PDE4D: variants seen among roughly 807,000 people sequenced by gnomAD.
The protein encoded by PDE4D is 3',5'-cyclic-AMP phosphodiesterase 4D.
PDE4D carries 24 observed loss-of-function variants against 87.4 expected under a neutral mutation model. That is an observed-to-expected ratio of 0.27 (90% CI 0.20 to 0.39). PDE4D has a LOEUF of 0.39. Among genes scored for constraint, PDE4D ranks in the 10% least tolerant of loss-of-function variants. The pLI is 1.00. For missense variants in PDE4D, 714 were observed against 1,041.0 expected, an observed-to-expected ratio of 0.69 and a Z score of 4.32; for synonymous variants, 384 against 383.2, an observed-to-expected ratio of 1.00 and a Z score of -0.02.
intron 1 of PDE4D, among the ~76,000 whole-genome samples, chr5:60,299,390 G>C (rs904335616): frequency 2.0e-5 from 3 of 152,112 alleles, no homozygotes; most frequent in African/African-American, 7.2e-5. Flanking sequence ...TCCTTCTTTT[G>C]TTTTTTCCTT....
chr5:59,703,672 T>A (rs1291143355), intron 1 of PDE4D: 1 of 523,520 alleles, frequency 1.9e-6, no homozygotes, highest in East Asian at 5.6e-5. Flanking sequence ...GATTAGTAAC[T>A]GGTTGAACAA....
At chr5:60,005,539 T>C (rs908989513) in intron 2 of PDE4D, among the ~76,000 whole-genome samples, 2 of 151,986 alleles carry the variant, frequency 1.3e-5, no homozygotes, top group Non-Finnish European at 2.9e-5. Context: ...GATGGATGCA[T>C]TGATTAATTT....
At chr5:59,434,419 A>G (rs1207753708) in intron 1 of PDE4D, among the ~76,000 whole-genome samples, 1 of 151,498 alleles carries the variant, frequency 6.6e-6, no homozygotes, top group Admixed American at 6.6e-5. Flanking sequence ...TCCCTCCCCA[A>G]CCCTCGTGTT....
At chr5:60,331,388 G>T (rs935947013) in intron 1 of PDE4D, among the ~76,000 whole-genome samples, 1 of 152,210 alleles carries the variant, frequency 6.6e-6, no homozygotes, top group Non-Finnish European at 1.5e-5. Flanking sequence ...TACTTATTCA[G>T]AAGAAGCTGG....
intron 1 of PDE4D, among the ~76,000 whole-genome samples, chr5:59,402,817 T>G (rs1790905752): frequency 1.3e-5 from 2 of 152,050 alleles, no homozygotes; most frequent in African/African-American, 4.8e-5. Flanking sequence ...GACTTTCTAT[T>G]ATGAATGATG....
intron 1 of PDE4D, among the ~76,000 whole-genome samples, chr5:59,617,005 T>C (rs985894946): frequency 6.9e-6 from 1 of 145,660 alleles, no homozygotes; most frequent in African/African-American, 2.5e-5. Context: ...CTTTTTGTCG[T>C]TTTCTTCTTT....
intron 1 of PDE4D, among the ~76,000 whole-genome samples, chr5:59,651,072 A>G (rs938753574): frequency 5.3e-5 from 8 of 151,896 alleles, no homozygotes; most frequent in South Asian, 2.1e-4. Flanking sequence ...TGGCCAACAT[A>G]GTGAAACCCC....
intron 1 of PDE4D, among the ~76,000 whole-genome samples, chr5:59,860,264 T>C (rs192110580): frequency 3.9e-5 from 6 of 152,274 alleles, no homozygotes; most frequent in African/African-American, 1.2e-4. Flanking sequence ...GATGGATGCA[T>C]AAACTTGAAA....
At chr5:59,168,250 G>A (rs1438127731) in intron 5 of PDE4D, among the ~76,000 whole-genome samples, 1 of 152,212 alleles carries the variant, frequency 6.6e-6, no homozygotes, top group East Asian at 1.9e-4. Context: ...TTCACCCAAA[G>A]AGAAGATTAA....
intron 1 of PDE4D, among the ~76,000 whole-genome samples, chr5:59,693,960 G>A (rs185312384): frequency 7.9e-5 from 12 of 152,088 alleles, no homozygotes; most frequent in Admixed American, 2.6e-4. Context: ...ATGCCTTAAG[G>A]GCTAAAGAAA....
chr5:59,729,078 G>C (rs1052014698), intron 1 of PDE4D, among the ~76,000 whole-genome samples: 2 of 152,044 alleles, frequency 1.3e-5, no homozygotes, highest in Non-Finnish European at 2.9e-5. Context: ...CATTTATGAA[G>C]AAACTGTTGA....
intron 1 of PDE4D, among the ~76,000 whole-genome samples, chr5:59,616,298 T>C (rs1829658249): frequency 6.6e-6 from 1 of 152,226 alleles, no homozygotes; most frequent in Non-Finnish European, 1.5e-5. Flanking sequence ...ATTTCAAAAA[T>C]GCAGCCATTT....
intron 3 of PDE4D, among the ~76,000 whole-genome samples, chr5:59,965,829 T>A (rs1238635096): frequency 6.6e-6 from 1 of 152,156 alleles, no homozygotes; most frequent in Non-Finnish European, 1.5e-5. Context: ...ATGGTCTCCA[T>A]CTCCACTACT....
At chr5:59,198,437 A>C (rs1407106152) in intron 2 of PDE4D, among the ~76,000 whole-genome samples, 1 of 152,238 alleles carries the variant, frequency 6.6e-6, no homozygotes, top group Non-Finnish European at 1.5e-5. Context: ...CTTCTAGAAC[A>C]GCCAGGATGA....
intron 2 of PDE4D, among the ~76,000 whole-genome samples, chr5:59,211,028 A>G (rs1355317620): frequency 6.6e-6 from 1 of 152,210 alleles, no homozygotes; most frequent in Non-Finnish European, 1.5e-5. Context: ...ATGCTGAAAT[A>G]TTAAGATGAC....
At chr5:59,296,846 G>GGTTA (rs1769207272) in intron 1 of PDE4D, among the ~76,000 whole-genome samples, 1 of 152,012 alleles carries the variant, frequency 6.6e-6, no homozygotes, top group African/African-American at 2.4e-5. Context: ...GGTTAGGCAA[G>GGTTA]GTTAGCTACC....
At chr5:59,728,873 T>C (rs187721593) in intron 1 of PDE4D, among the ~76,000 whole-genome samples, 1 of 152,230 alleles carries the variant, frequency 6.6e-6, no homozygotes, top group East Asian at 1.9e-4. Context: ...CAAGTACATA[T>C]GTTATTTCAT....
At chr5:59,406,747 C>A (rs1177498809) in intron 1 of PDE4D, among the ~76,000 whole-genome samples, 2 of 152,070 alleles carry the variant, frequency 1.3e-5, no homozygotes, top group East Asian at 1.9e-4. Context: ...GTTTTAAATT[C>A]TAACTCTCTT....
intron 3 of PDE4D, among the ~76,000 whole-genome samples, chr5:59,185,680 T>C (rs1742740161): frequency 6.6e-6 from 1 of 152,198 alleles, no homozygotes; most frequent in African/African-American, 2.4e-5. Context: ...AAGAATCTCA[T>C]AATAATAAGT....
Sources: gnomAD v4.1 joint callset for allele counts (sites outside exome capture counted in the v4.1 genomes callset) on GRCh38, gnomAD v4.1.1 for gene constraint, MANE v1.5 for transcripts, NCBI Gene and HGNC (gene_info 2026-07-23, HGNC 2026-07-21) for gene names.